Variants in ZFYVE16 observed in about 807,000 individuals in gnomAD.
ZFYVE16 encodes zinc finger FYVE-type containing 16.
ZFYVE16 carries 89 observed loss-of-function variants against 138.1 expected under a neutral mutation model. The observed-to-expected ratio is 0.64, with a 90% CI of 0.54 to 0.77. The LOEUF (loss-of-function observed/expected upper bound fraction) is 0.77, where lower values mean the gene tolerates loss of function less well. Among genes scored for constraint, ZFYVE16 ranks in the 30% least tolerant of loss-of-function variants. The probability of loss-of-function intolerance (pLI) is 0.00; values close to 1 mark genes in which losing one functional copy is unlikely to be tolerated. For synonymous variants in ZFYVE16, 596 were observed against 618.3 expected (o/e 0.96, Z 0.53); for missense variants, 1,793 against 1,786.7 (o/e 1.00, Z -0.06).
At chr5:80,462,125 A>G (rs1753186625) in intron 15 of ZFYVE16, among the ~76,000 whole-genome samples, 3 of 152,202 alleles carry the variant, frequency 2.0e-5, no homozygotes, top group Admixed American at 2.0e-4. Flanking sequence ...GGGAAACACA[A>G]TTCTGTCCAT....
At position 80,437,871 on chromosome 5, in the gene ZFYVE16, G is replaced by C; in HGVS notation, c.1186G>C (p.Asp396His). The change falls in exon 4 of 19, where the codon GAT becomes CAT. Residue 396 changes from aspartate to histidine, a missense_variant. Physicochemically the swap from Asp to His is moderately conservative, Grantham distance 81. Coordinates refer to ENST00000505560, the MANE Select transcript of ZFYVE16 (RefSeq NM_001284236.3). ...GSLIESKARGDFLPQHEHKDN... is the reference protein window; with the variant it reads ...GSLIESKARGHFLPQHEHKDN... Reference sequence around the variant, plus strand: ...ATTAATTGAAAGTAAAGCACGGGGTGATTTTTTACCTCAGCATGAACATAA... The same window carrying C: ...ATTAATTGAAAGTAAAGCACGGGGTCATTTTTTACCTCAGCATGAACATAA... 6.2e-7 allele frequency: 1 copy of C among 1,613,980 alleles called. No homozygotes were observed. Among genetic ancestry groups the C allele is most frequent in the South Asian group, 1.1e-5 (1 of 91,076 alleles).
chr5:80,429,844 G>C (rs1261212755), intron 2 of ZFYVE16, among the ~76,000 whole-genome samples: 1 of 151,620 alleles, frequency 6.6e-6, no homozygotes, highest in Non-Finnish European at 1.5e-5. Flanking sequence ...AAGAGACAAA[G>C]CCATTACAGA....
In ZFYVE16 at chr5:80,448,273, C is replaced by T. The variant is rs1171765643; in HGVS notation, c.2972C>T (p.Pro991Leu). Residue 991 changes from proline (P) to leucine (L), a missense_variant, in exon 8 of 19, where the codon CCT becomes CTT. Physicochemically the swap from Pro to Leu is moderately conservative, Grantham distance 98. This residue lies in a region of ZFYVE16 where 1,295 missense variants were observed against 1,204.3 expected (regional missense o/e 1.08). Transcript: ENST00000505560. ...GGTGTCTTAGTTAACAGCAATTTAC[C>T]TATTGCTAGTATTTCAGATTATAGG... is the stretch of plus-strand genomic sequence containing the variant. ...PTGVLVNSNL[P>L]IASISDYRLL... is the part of the protein sequence containing the mutation. 1 of 1,613,552 alleles carries T rather than the reference C, an allele frequency of 6.2e-7. No homozygotes were observed.
chr5:80,467,507 A>G (rs148860007), intron 15 of ZFYVE16, among the ~76,000 whole-genome samples: 1,660 of 152,338 alleles, frequency 0.011, 31 homozygotes, highest in African/African-American at 0.037. Flanking sequence ...TCTCAGTTCA[A>G]TAATTAGACA....
In ZFYVE16 at chr5:80,455,676, C is replaced by T; in HGVS notation, c.3608-16C>T. ...TTTTTTGTTGATAGTAACCAGTTTTCCTTTCTTATGTATAGCATATCCTGC... is the reference window on the plus strand; with the variant it reads ...TTTTTTGTTGATAGTAACCAGTTTTTCTTTCTTATGTATAGCATATCCTGC... On this transcript the variant is annotated splice_polypyrimidine_tract_variant and intron_variant, in intron 11 of 18. Coordinates refer to ENST00000505560, the MANE Select transcript of ZFYVE16 (RefSeq NM_001284236.3). 2 of 1,602,268 alleles carry T rather than the reference C, an allele frequency of 1.2e-6. No homozygotes were observed. The highest frequency in any genetic ancestry group is 1.4e-5 in the African/African-American group (1 of 74,038).
At chr5:80,455,862 C>A in intron 12 of ZFYVE16, 88 bp downstream of exon 12, 1 of 1,128,716 alleles carries the variant, frequency 8.9e-7, no homozygotes, top group Non-Finnish European at 1.2e-6. Context: ...TATTTTCCTA[C>A]TTTAATTTGC....
At chr5:80,476,788 A>C (rs1322671136) in intron 18 of ZFYVE16, among the ~76,000 whole-genome samples, 1 of 152,202 alleles carries the variant, frequency 6.6e-6, no homozygotes, top group Non-Finnish European at 1.5e-5. Context: ...TAAGCACTGT[A>C]AATTTTTTTA....
Position 80,448,001 on chromosome 5 carries a change from ATTTT to A in ZFYVE16, c.2725-20_2725-17del, listed in dbSNP as rs111272747. The A allele has an allele frequency of 3.3e-6, 5 of 1,529,922 alleles. No homozygotes were observed. The African/African-American group carries it at 6.9e-5, about 21-fold the overall frequency. 94.8% of individuals were successfully genotyped at this position (1,529,922 alleles called of 1,614,324 possible). ...AACAGAGAATATGAACTGATTTGTT[ATTTT>A]TTTTATTACATATTTTACAGACAGT... On this transcript the variant is annotated intron_variant, in intron 7 of 18. Coordinates refer to ENST00000505560, the MANE Select transcript of ZFYVE16 (RefSeq NM_001284236.3).
At chr5:80,428,628 G>A (rs564727043) in intron 2 of ZFYVE16, among the ~76,000 whole-genome samples, 36 of 152,322 alleles carry the variant, frequency 2.4e-4, no homozygotes, top group African/African-American at 5.3e-4. Flanking sequence ...TGAGTTGAGA[G>A]AAGAAGGCTT....
At chr5:80,418,918 T>G (rs1048674478) in intron 1 of ZFYVE16, among the ~76,000 whole-genome samples, 7 of 152,228 alleles carry the variant, frequency 4.6e-5, no homozygotes, top group Non-Finnish European at 1.0e-4. Context: ...GGTTACCCAC[T>G]TTGAATATGT....
intron 2 of ZFYVE16, among the ~76,000 whole-genome samples, chr5:80,433,680 A>G (rs1018281507): frequency 2.6e-5 from 4 of 151,996 alleles, no homozygotes; most frequent in African/African-American, 4.8e-5. Flanking sequence ...TTAGAATATA[A>G]TTGTCTTCCA....
chr5:80,432,288 A>G (rs1193338451), intron 2 of ZFYVE16, among the ~76,000 whole-genome samples: 3 of 152,184 alleles, frequency 2.0e-5, no homozygotes, highest in Admixed American at 2.0e-4. Flanking sequence ...CCACACATCT[A>G]CAACCATCTG....
chr5:80,442,482 A>T lies in ZFYVE16; in HGVS notation c.2420-641A>T, dbSNP rs966615153. On this transcript the variant is annotated intron_variant, in intron 5 of 18. Coordinates refer to ENST00000505560, the MANE Select transcript of ZFYVE16 (RefSeq NM_001284236.3). ...TGACATGTGAGCAGAGTCTTGAAGG[A>T]AGTGAGATAATGAAGCCGTGTGAGT... Among the ~76,000 whole-genome samples, 17 of 152,186 alleles carry T rather than the reference A, an allele frequency of 1.1e-4. 1 individual carries two copies. Among genetic ancestry groups the T allele is most frequent in the Non-Finnish European group, 7.3e-5 (5 of 68,044 alleles).
rs201096982 is a variant in ZFYVE16, at chr5:80,473,862, A to G, written c.4293+3A>G. On this transcript the variant is annotated splice_donor_region_variant and intron_variant, in intron 17 of 18. Coordinates refer to ENST00000505560, the MANE Select transcript of ZFYVE16 (RefSeq NM_001284236.3). ...AGAAGATTGTAAAATGTACCGAGGT[A>G]ACTAAGAAAGAAGGTCCCTTTACAT... 14 of 1,608,682 alleles carry G rather than the reference A, an allele frequency of 8.7e-6. No homozygotes were observed. In the African/African-American group the frequency reaches 1.9e-4, roughly 21 times the overall value.
intron 1 of ZFYVE16, among the ~76,000 whole-genome samples, chr5:80,423,442 T>C (rs182169849): frequency 3.3e-4 from 50 of 152,334 alleles, no homozygotes; most frequent in Non-Finnish European, 6.8e-4. Context: ...TATTGGTCTT[T>C]TAAAGGAATG....
intron 18 of ZFYVE16, among the ~76,000 whole-genome samples, chr5:80,476,553 T>C (rs1454685365): frequency 6.6e-6 from 1 of 152,234 alleles, no homozygotes; most frequent in East Asian, 1.9e-4. Context: ...CTGAAAGTTC[T>C]CTTTCTGACA....
Position 80,434,129 on chromosome 5 carries a change from G to T in ZFYVE16, c.-19G>T, listed in dbSNP as rs371014147. 1 of 1,606,616 alleles carries T rather than the reference G, an allele frequency of 6.2e-7. No individual in the cohort carries two copies. The highest frequency in any genetic ancestry group is 8.5e-7 in the Non-Finnish European group (1 of 1,175,702). ...TTTAGGCATACAAGAATTAAATTCT[G>T]AATAAGTCTGCAGGTAGGATGGACA... On this transcript the variant is annotated 5_prime_UTR_variant, in exon 3 of 19. Coordinates refer to ENST00000505560, the MANE Select transcript of ZFYVE16 (RefSeq NM_001284236.3).
rs568371299 is a variant in ZFYVE16, at chr5:80,427,908, G to A, written c.-40+363G>A. Among the ~76,000 whole-genome samples the A allele has an allele frequency of 4.8e-4, 64 of 133,002 alleles. No individual in the cohort carries two copies. In the South Asian group the frequency reaches 0.015, roughly 30 times the overall value. 87.3% of individuals were successfully genotyped at this position (133,002 alleles called of 152,430 possible). ...AATCGCTTGAACCTGGGAGATGGAGGTTGCAGTGAGCCAAGACAGCATCAC... is the reference window on the plus strand; with the variant it reads ...AATCGCTTGAACCTGGGAGATGGAGATTGCAGTGAGCCAAGACAGCATCAC... On this transcript the variant is annotated intron_variant, in intron 2 of 18. Transcript: ENST00000505560.
At chr5:80,415,595 A>G (rs1402785229) in intron 1 of ZFYVE16, among the ~76,000 whole-genome samples, 1 of 152,152 alleles carries the variant, frequency 6.6e-6, no homozygotes, top group African/African-American at 2.4e-5. Flanking sequence ...ATATTGGGGT[A>G]ATGTGTTTCG....
Sources: allele counts gnomAD v4.1 joint callset (sites outside exome capture counted in the v4.1 genomes callset), GRCh38; gene constraint gnomAD v4.1.1; regional missense constraint gnomAD v4.1.1; transcripts MANE v1.5; gene names NCBI Gene and HGNC (gene_info 2026-07-23, HGNC 2026-07-21).